The following GTPBP4 variants were observed in gnomAD, a reference collection of about 807,000 sequenced individuals.
GTPBP4 encodes GTP binding protein 4.
A neutral mutation model predicts 81.7 loss-of-function variants in GTPBP4; 15 were observed. The observed-to-expected ratio is 0.18, with a 90% confidence interval of 0.12 to 0.28. The LOEUF (loss-of-function observed/expected upper bound fraction) is 0.28. Ranked by LOEUF, GTPBP4 falls within the 10% of genes least tolerant of loss-of-function variation. The pLI is 1.00. For missense variants in GTPBP4, 847 were observed against 793.8 expected, an observed-to-expected ratio of 1.07 and a Z score of -0.81; for synonymous variants, 272 against 274.6, an observed-to-expected ratio of 0.99 and a Z score of 0.09.
intron 13 of GTPBP4, among the ~76,000 whole-genome samples, chr10:1,011,311 T>C (rs540994209): frequency 6.6e-6 from 1 of 152,338 alleles, no homozygotes; most frequent in East Asian, 1.9e-4. Flanking sequence ...TGCTTTTTCT[T>C]AGCATATAAA....
At chr10:1,000,183 A>G (rs1479069876) in intron 6 of GTPBP4, among the ~76,000 whole-genome samples, 1 of 138,676 alleles carries the variant, frequency 7.2e-6, no homozygotes, top group Non-Finnish European at 1.6e-5. Context: ...TTTAAATAGT[A>G]TGTACTTTTC....
intron 8 of GTPBP4, among the ~76,000 whole-genome samples, chr10:1,001,375 A>C (rs1831627961): frequency 6.6e-6 from 1 of 152,234 alleles, no homozygotes; most frequent in Non-Finnish European, 1.5e-5. Flanking sequence ...CTAATGATTG[A>C]GTGAAGGAGA....
Position 995,975 on chromosome 10 carries a change from A to G in GTPBP4, c.266A>G (p.Lys89Arg), listed in dbSNP as rs778869813. ...YADLMNILYD[K>R]DHYKLALGQI... ...GATTTGATGAATATTCTCTACGACA[A>G]GGATCATTACAAGTTGGCTCTGGGG... The change falls in exon 3 of 17, where the codon AAG becomes AGG. Residue 89 changes from lysine to arginine, a missense_variant. Physicochemically the swap from Lys to Arg is conservative, Grantham distance 26. Coordinates refer to ENST00000360803, the MANE Select transcript of GTPBP4 (RefSeq NM_012341.3). The G allele has an allele frequency of 6.2e-7, 1 of 1,612,400 alleles. No individual in the cohort carries two copies. The highest frequency in any genetic ancestry group is 1.1e-5 in the South Asian group (1 of 91,034).
chr10:992,178 A>T (rs1589022037), intron 1 of GTPBP4, among the ~76,000 whole-genome samples: 1 of 151,512 alleles, frequency 6.6e-6, no homozygotes, highest in East Asian at 2.0e-4. Flanking sequence ...AGGCAGGTGG[A>T]TCACGAGGTC....
chr10:995,439 C>T (rs1831521535), intron 2 of GTPBP4, among the ~76,000 whole-genome samples: 1 of 151,922 alleles, frequency 6.6e-6, no homozygotes, highest in Admixed American at 6.6e-5. Context: ...GTGGTGGACA[C>T]AGAATTCTGG....
At chr10:1,007,269 T>A in intron 10 of GTPBP4, 141 bp downstream of exon 10, 1 of 602,290 alleles carries the variant, frequency 1.7e-6, no homozygotes, top group South Asian at 2.0e-5. Context: ...ACCTTCTTGC[T>A]TACATAAAGG....
At chr10:995,668 G>T (rs890628624) in intron 2 of GTPBP4, among the ~76,000 whole-genome samples, 1 of 152,170 alleles carries the variant, frequency 6.6e-6, no homozygotes, top group African/African-American at 2.4e-5. Flanking sequence ...ATGCAGGGTC[G>T]GGGGCTGGTC....
intron 12 of GTPBP4, 94 bp downstream of exon 12, chr10:1,009,674 G>A (rs942093389): frequency 1.1e-5 from 9 of 813,724 alleles, no homozygotes; most frequent in Non-Finnish European, 1.3e-5. Context: ...TAATAAAAGT[G>A]TTTCAGCCTA....
chr10:993,369 C>T (rs1160005015), intron 2 of GTPBP4, among the ~76,000 whole-genome samples: 1 of 152,206 alleles, frequency 6.6e-6, no homozygotes, highest in Non-Finnish European at 1.5e-5. Context: ...TCTTGTGCTT[C>T]AGCCTCCCGC....
rs759926200 is a variant in GTPBP4 at position 1,015,905 on chromosome 10, CTG to C, written c.1752+13_1752+14del. Reference sequence around the variant, plus strand: ...GTCTTAGGGATGTCAAGGTCAGTCTCTGTGTTGTGTAATGTAATAAAATGACA... The same window carrying C: ...GTCTTAGGGATGTCAAGGTCAGTCTCTGTTGTGTAATGTAATAAAATGACA... On this transcript the variant is annotated intron_variant, in intron 16 of 16. Transcript: ENST00000360803. The C allele has an allele frequency of 6.0e-5, 97 of 1,607,660 alleles. No individual in the cohort carries two copies. Among genetic ancestry groups the C allele is most frequent in the Non-Finnish European group, 8.2e-5 (97 of 1,175,922 alleles).
rs1270556589 is a variant in GTPBP4, at chr10:1,019,322, A to G, written c.*2095A>G. The stretch of plus-strand genomic sequence containing the variant: ...TTTCCTCCCTGCAACCAGGCAGATG[A>G]GAAATATGGAAATAAGGAAAAGGGA... On this transcript the variant is annotated 3_prime_UTR_variant, in exon 17 of 17. Coordinates refer to ENST00000360803, the MANE Select transcript of GTPBP4 (RefSeq NM_012341.3). 1 of 549,204 alleles carries G rather than the reference A, an allele frequency of 1.8e-6. No homozygotes were observed. Among genetic ancestry groups the G allele is most frequent in the African/African-American group, 1.9e-5 (1 of 52,922 alleles). The allele number at this position is 549,204 out of a possible 1,614,324, so 34.0% of individuals were successfully genotyped here.
At chr10:1,002,560 G>A (rs1831654733) in intron 8 of GTPBP4, among the ~76,000 whole-genome samples, 1 of 152,150 alleles carries the variant, frequency 6.6e-6, no homozygotes, top group South Asian at 2.1e-4. Context: ...GCTTCCAGAT[G>A]TAGGACTTTC....
Position 1,005,799 on chromosome 10 carries a change from T to C in GTPBP4, c.913-19T>C. ...TGGAAATGAATAATACATCTCTCGT[T>C]TTTTCTTTGCATTCCCAGAAAATAT... On this transcript the variant is annotated intron_variant, in intron 8 of 16. Transcript: ENST00000360803. The C allele has an allele frequency of 7.0e-7, 1 of 1,420,530 alleles. No homozygotes were observed. The highest frequency in any genetic ancestry group is 1.0e-6 in the Non-Finnish European group (1 of 1,003,562). 88.0% of individuals were successfully genotyped at this position (1,420,530 alleles called of 1,614,324 possible). A position where few individuals can be genotyped will look rare whatever the true frequency, so the allele number is the denominator to read the frequency against.
chr10:1,007,388 A>C, intron 10 of GTPBP4: 1 of 353,334 alleles, frequency 2.8e-6, no homozygotes, highest in Non-Finnish European at 5.2e-6. Flanking sequence ...ATAGAAGATT[A>C]GTTTCTAAAA....
chr10:1,015,915 T>TAATTTATTGTGTATGTAATA lies in GTPBP4; in HGVS notation c.1752+22_1752+23insTTATTGTGTATGTAATAAAT. The TAATTTATTGTGTATGTAATA allele has an allele frequency of 1.3e-6, 2 of 1,590,652 alleles. No individual in the cohort carries two copies. Among genetic ancestry groups the TAATTTATTGTGTATGTAATA allele is most frequent in the South Asian group, 2.2e-5 (2 of 89,238 alleles). ...TGTCAAGGTCAGTCTCTGTGTTGTGTAATGTAATAAAATGACAGTCTCTGT... is the reference window on the plus strand; with the variant it reads ...TGTCAAGGTCAGTCTCTGTGTTGTGTAATTTATTGTGTATGTAATAAATGTAATAAAATGACAGTCTCTGT... On this transcript the variant is annotated intron_variant, in intron 16 of 16. Coordinates refer to ENST00000360803, the MANE Select transcript of GTPBP4 (RefSeq NM_012341.3).
At chr10:999,740 C>T (rs146781016) in intron 6 of GTPBP4, among the ~76,000 whole-genome samples, 7 of 152,332 alleles carry the variant, frequency 4.6e-5, no homozygotes, top group African/African-American at 9.6e-5. Flanking sequence ...AGGCAGCTAA[C>T]CTGAGGTCAG....
chr10:1,007,794 A>T (rs1831771884), intron 10 of GTPBP4: 1 of 457,338 alleles, frequency 2.2e-6, no homozygotes, highest in Non-Finnish European at 4.3e-6. Context: ...TCGGGCACTG[A>T]CTGTCAGTCT....
At chr10:1,014,449 G>C in intron 15 of GTPBP4, 137 bp downstream of exon 15, 1 of 593,488 alleles carries the variant, frequency 1.7e-6, no homozygotes, top group Non-Finnish European at 3.1e-6. Context: ...GATGTCAGGG[G>C]TTCGAGACCA....
At chr10:1,011,218 T>G (rs539287168) in intron 13 of GTPBP4, among the ~76,000 whole-genome samples, 6 of 144,670 alleles carry the variant, frequency 4.1e-5, no homozygotes, top group South Asian at 2.3e-4. Context: ...GCCAGGCCCT[T>G]AATGGACTCT....
Sources: gnomAD v4.1 joint callset for allele counts (sites outside exome capture counted in the v4.1 genomes callset) on GRCh38, gnomAD v4.1.1 for gene constraint, MANE v1.5 for transcripts, NCBI Gene and HGNC (gene_info 2026-07-23, HGNC 2026-07-21) for gene names.